The following FAM171A1 variants were observed in gnomAD, a reference collection of about 807,000 sequenced individuals.
The protein encoded by FAM171A1 is family with sequence similarity 171 member A1.
Under a neutral mutation model 74.9 loss-of-function variants are expected in FAM171A1, and 23 were observed. The ratio of observed to expected loss-of-function variants is 0.31; its 90% CI spans 0.22 to 0.44. The LOEUF is 0.44. Ranked by LOEUF, FAM171A1 falls within the 20% of genes least tolerant of loss-of-function variation. The pLI is 1.00. For synonymous variants in FAM171A1, 527 were observed against 505.7 expected (o/e 1.04, Z -0.57); for missense variants, 1,162 against 1,159.2 (o/e 1.00, Z -0.03).
At chr10:15,374,225 C>T (rs1484215611), upstream of FAM171A1, among the ~76,000 whole-genome samples, 3 of 152,100 alleles carry the variant, frequency 2.0e-5, no homozygotes, top group Non-Finnish European at 4.4e-5. Context: ...TCAGAAACAC[C>T]GCTGCCATCC....
intron 1 of FAM171A1, among the ~76,000 whole-genome samples, chr10:15,359,786 T>C (rs900892670): frequency 1.3e-5 from 2 of 152,126 alleles, no homozygotes; most frequent in Admixed American, 6.5e-5. Flanking sequence ...CTTGCTGACT[T>C]GGCAATGGAA....
intron 3 of FAM171A1, among the ~76,000 whole-genome samples, chr10:15,274,048 G>C (rs1834861870): frequency 6.6e-6 from 1 of 152,164 alleles, no homozygotes; most frequent in Non-Finnish European, 1.5e-5. Flanking sequence ...AATCAGGCAG[G>C]AGAAAGAAAT....
chr10:15,264,513 A>T (rs954387439), intron 3 of FAM171A1, among the ~76,000 whole-genome samples: 1 of 152,162 alleles, frequency 6.6e-6, no homozygotes, highest in Admixed American at 6.5e-5. Context: ...TTTGTAGACA[A>T]TACAAATACA....
chr10:15,283,555 A>C lies in FAM171A1; in HGVS notation c.325+323T>G, dbSNP rs146668522. 1.2e-3 allele frequency among the ~76,000 whole-genome samples: 183 copies of C among 152,160 alleles called. 2 individuals carry two copies. The highest frequency in any genetic ancestry group is 4.0e-3 in the African/African-American group (167 of 41,518). On this transcript the variant is annotated intron_variant, in intron 2 of 7. Transcript: ENST00000378116. ...TTCCCCTCCCCATATTGAATGGTGG[A>C]GTTCTGGAATCTGTATGTTTTTATT...
chr10:15,283,966 C>T lies in FAM171A1; in HGVS notation c.237G>A (p.Gln79=), dbSNP rs769596225. The change falls in exon 2 of 8, where the codon CAG becomes CAA. Residue 79 remains glutamine (Q), a synonymous_variant. Transcript: ENST00000378116. ...CAATCAACTGACTGCCCAGCTTATA[C>T]TGGAACTTGATAAAGGCGACGCCAT... ...GTDGVAFIKF[Q]YKLGSQLIVT... is the part of the protein sequence containing the mutation. The T allele has an allele frequency of 1.9e-6, 3 of 1,614,160 alleles. No individual in the cohort carries two copies. The highest frequency in any genetic ancestry group is 2.5e-6 in the Non-Finnish European group (3 of 1,180,032).
rs370448813 is a variant in FAM171A1 at position 15,297,785 on chromosome 10, C to T, written c.98-13680G>A. The stretch of plus-strand genomic sequence containing the variant: ...CTTTGTGGCTAAGAATCCTGTTACC[C>T]TAATAAGTTAAACAGCAGAAGTTCA... On this transcript the variant is annotated intron_variant, in intron 1 of 7. Transcript: ENST00000378116. Among the ~76,000 whole-genome samples the T allele has an allele frequency of 1.2e-4, 18 of 152,304 alleles. 1 individual carries two copies. The highest frequency in any genetic ancestry group is 9.7e-4 in the East Asian group (5 of 5,178).
At chr10:15,229,685 CAT>C (rs1491313762) in intron 5 of FAM171A1, among the ~76,000 whole-genome samples, 1 of 149,290 alleles carries the variant, frequency 6.7e-6, no homozygotes, top group Non-Finnish European at 1.5e-5. Flanking sequence ...CCATCATCAC[CAT>C]CACCACCATC....
intron 1 of FAM171A1, among the ~76,000 whole-genome samples, chr10:15,291,641 A>G (rs1207586020): frequency 2.0e-5 from 3 of 152,158 alleles, no homozygotes; most frequent in Non-Finnish European, 4.4e-5. Context: ...GCCCTTGTGG[A>G]TCAGGCCTTC....
At chr10:15,227,429 C>T (rs1332770702) in intron 5 of FAM171A1, among the ~76,000 whole-genome samples, 1 of 152,186 alleles carries the variant, frequency 6.6e-6, no homozygotes, top group African/African-American at 2.4e-5. Context: ...TGTCACCCAG[C>T]TGGAGGGCAG....
At chr10:15,233,493 A>G (rs1205731035) in intron 5 of FAM171A1, among the ~76,000 whole-genome samples, 1 of 150,998 alleles carries the variant, frequency 6.6e-6, no homozygotes, top group African/African-American at 2.4e-5. Flanking sequence ...CTAGTGAAGG[A>G]CATTCTGCAC....
intron 3 of FAM171A1, among the ~76,000 whole-genome samples, chr10:15,271,221 A>G (rs1834820333): frequency 6.6e-6 from 1 of 152,238 alleles, no homozygotes; most frequent in African/African-American, 2.4e-5. Flanking sequence ...CCATGGCACA[A>G]GAACTACGTG....
intron 1 of FAM171A1, among the ~76,000 whole-genome samples, chr10:15,318,060 C>G (rs1262267342): frequency 6.6e-6 from 1 of 152,182 alleles, no homozygotes; most frequent in Non-Finnish European, 1.5e-5. Flanking sequence ...TCCCAAAGTG[C>G]TAGGATTACA....
intron 4 of FAM171A1, among the ~76,000 whole-genome samples, chr10:15,251,657 C>T (rs1834510213): frequency 6.6e-6 from 1 of 152,004 alleles, no homozygotes. Flanking sequence ...AGTGATCCAC[C>T]CGCCTCGGCC....
At chr10:15,347,959 T>A (rs1366842602) in intron 1 of FAM171A1, among the ~76,000 whole-genome samples, 1 of 152,136 alleles carries the variant, frequency 6.6e-6, no homozygotes, top group African/African-American at 2.4e-5. Context: ...AGCTAGGTTT[T>A]GAATAAAATG....
At chr10:15,318,505 T>C (rs554168224) in intron 1 of FAM171A1, among the ~76,000 whole-genome samples, 5 of 152,322 alleles carry the variant, frequency 3.3e-5, no homozygotes, top group Admixed American at 2.0e-4. Context: ...AAGTAGTCTG[T>C]GTCCTCTAAG....
chr10:15,280,957 G>A lies in FAM171A1; in HGVS notation c.325+2921C>T, dbSNP rs372406857. ...ATCTGCGTCCCTGCCCAAATCTCAC[G>A]TCGAATTGTAACCCCCAGTGTTGGA... is the stretch of plus-strand genomic sequence containing the variant. On this transcript the variant is annotated intron_variant, in intron 2 of 7. Transcript: ENST00000378116. Among the ~76,000 whole-genome samples, 189 of 152,294 alleles carry A rather than the reference G, an allele frequency of 1.2e-3. 7 individuals are homozygous for A. In the South Asian group the frequency reaches 0.038, roughly 31 times the overall value.
chr10:15,324,892 A>G (rs962566616), intron 1 of FAM171A1, among the ~76,000 whole-genome samples: 9 of 152,216 alleles, frequency 5.9e-5, no homozygotes, highest in Admixed American at 2.6e-4. Flanking sequence ...TACACTTCCA[A>G]TCACTGAGTA....
chr10:15,374,274 A>C (rs1288866642), upstream of FAM171A1, among the ~76,000 whole-genome samples: 1 of 152,216 alleles, frequency 6.6e-6, no homozygotes, highest in Non-Finnish European at 1.5e-5. Context: ...AAGAGGTTAA[A>C]CAATTTGCAT....
chr10:15,315,284 C>CTTCCTT (rs1835408813), intron 1 of FAM171A1, among the ~76,000 whole-genome samples: 1 of 152,182 alleles, frequency 6.6e-6, no homozygotes, highest in Non-Finnish European at 1.5e-5. Flanking sequence ...TGGGCGCAAG[C>CTTCCTT]TGTCTCATCT....
Sources: gnomAD v4.1 joint callset for allele counts (sites outside exome capture counted in the v4.1 genomes callset) on GRCh38, gnomAD v4.1.1 for gene constraint, MANE v1.5 for transcripts, NCBI Gene and HGNC (gene_info 2026-07-23, HGNC 2026-07-21) for gene names.